Variants in ASB4 observed in about 807,000 individuals in gnomAD.
ASB4 encodes ankyrin repeat and SOCS box containing 4, also known as ankyrin repeat and SOCS box protein 4.
A neutral mutation model predicts 38.6 loss-of-function variants in ASB4; 35 were observed. The ratio of observed to expected loss-of-function variants is 0.91; its 90% confidence interval spans 0.69 to 1.20. ASB4 has a LOEUF of 1.20. Ranked by LOEUF, ASB4 falls within the 50% of genes most tolerant of loss-of-function variation. The probability of loss-of-function intolerance (pLI) is 0.00; values close to 1 mark genes in which losing one functional copy is unlikely to be tolerated. For synonymous variants in ASB4, 195 were observed against 201.3 expected, an observed-to-expected ratio of 0.97 and a Z score of 0.26; for missense variants, 557 against 527.2, an observed-to-expected ratio of 1.06 and a Z score of -0.55.
At chr7:95,527,591 G>T (rs1009465146) in intron 2 of ASB4, among the ~76,000 whole-genome samples, 1 of 152,078 alleles carries the variant, frequency 6.6e-6, no homozygotes, top group African/African-American at 2.4e-5. Flanking sequence ...TCCTCCCCTG[G>T]GTACCTTTGC....
At chr7:95,541,268 T>C (rs1318134896), downstream of ASB4, among the ~76,000 whole-genome samples, 1 of 152,178 alleles carries the variant, frequency 6.6e-6, no homozygotes, top group Non-Finnish European at 1.5e-5. Context: ...AGGACTTTTA[T>C]AGGATTGTTT....
upstream of ASB4, among the ~76,000 whole-genome samples, chr7:95,484,654 C>A (rs1363744404): frequency 1.3e-5 from 2 of 152,022 alleles, no homozygotes; most frequent in Non-Finnish European, 2.9e-5. Context: ...TTTAAAAATT[C>A]ATGTTTTTAA....
downstream of ASB4, chr7:95,544,691 A>C (rs1260092247): frequency 6.6e-6 from 1 of 151,868 alleles, no homozygotes; most frequent in East Asian, 1.9e-4. Flanking sequence ...ATTTATTTTT[A>C]TTTATTTTAT....
chr7:95,504,773 G>GAGCCTCAT (rs1215359501), intron 2 of ASB4, among the ~76,000 whole-genome samples: 1 of 152,158 alleles, frequency 6.6e-6, no homozygotes, highest in Non-Finnish European at 1.5e-5. Context: ...GAGACCCTCT[G>GAGCCTCAT]TTCTCAGATG....
intron 4 of ASB4, 83 bp downstream of exon 4, chr7:95,536,633 A>G: frequency 9.5e-7 from 1 of 1,049,464 alleles, no homozygotes; most frequent in Non-Finnish European, 1.4e-6. Context: ...TGTAACAAAA[A>G]AGTTGGTTTT....
intron 3 of ASB4, among the ~76,000 whole-genome samples, chr7:95,534,682 T>C (rs1790864452): frequency 6.6e-6 from 1 of 152,182 alleles, no homozygotes; most frequent in Non-Finnish European, 1.5e-5. Context: ...ATCTTTATGT[T>C]AGTCTTTTAT....
At chr7:95,529,628 C>G (rs993267358) in intron 3 of ASB4, among the ~76,000 whole-genome samples, 3 of 152,130 alleles carry the variant, frequency 2.0e-5, no homozygotes, top group Non-Finnish European at 2.9e-5. Flanking sequence ...GGAAGATTAA[C>G]TAATTCTTTT....
intron 3 of ASB4, among the ~76,000 whole-genome samples, chr7:95,529,952 C>T (rs947432417): frequency 6.6e-6 from 1 of 151,874 alleles, no homozygotes; most frequent in Non-Finnish European, 1.5e-5. Flanking sequence ...TTAACACCTC[C>T]GAAGTGTCAG....
intron 2 of ASB4, among the ~76,000 whole-genome samples, chr7:95,514,915 C>A (rs1413615698): frequency 1.3e-5 from 2 of 152,170 alleles, no homozygotes; most frequent in Non-Finnish European, 2.9e-5. Context: ...GCAAAGGGAG[C>A]TGGAGAAAAA....
intron 1 of ASB4, among the ~76,000 whole-genome samples, chr7:95,490,939 C>T (rs62467675): frequency 0.074 from 11,250 of 152,236 alleles, 539 homozygotes; most frequent in African/African-American, 0.13. Context: ...ATGTAGCCTT[C>T]GGATCATAGA....
intron 1 of ASB4, among the ~76,000 whole-genome samples, chr7:95,491,344 G>A (rs1562809710): frequency 6.6e-6 from 1 of 152,174 alleles, no homozygotes; most frequent in Non-Finnish European, 1.5e-5. Flanking sequence ...GGTAGCGTGT[G>A]AGTGGTTTAC....
chr7:95,491,334 G>T (rs548982339), intron 1 of ASB4, among the ~76,000 whole-genome samples: 30 of 152,222 alleles, frequency 2.0e-4, no homozygotes, highest in African/African-American at 7.0e-4. Flanking sequence ...CTAGACATGG[G>T]GTAGCGTGTG....
At chr7:95,514,809 A>C (rs1046218821) in intron 2 of ASB4, among the ~76,000 whole-genome samples, 33 of 152,212 alleles carry the variant, frequency 2.2e-4, no homozygotes, top group African/African-American at 8.0e-4. Context: ...ACAGACAAAA[A>C]TTGTGAAGTC....
At chr7:95,484,251 G>A (rs1055270251), upstream of ASB4, among the ~76,000 whole-genome samples, 45 of 152,260 alleles carry the variant, frequency 3.0e-4, no homozygotes, top group Non-Finnish European at 5.0e-4. Context: ...AGGATGGCTT[G>A]AGCCTGAGAG....
intron 2 of ASB4, 30 bp from the exon 3 acceptor site, chr7:95,527,779 TTAAA>T: frequency 6.4e-7 from 1 of 1,552,570 alleles, no homozygotes; most frequent in Non-Finnish European, 8.8e-7. Flanking sequence ...CAAAACATGT[TTAAA>T]TAATTGTCTT....
At chr7:95,517,067 C>T (rs74577702) in intron 2 of ASB4, among the ~76,000 whole-genome samples, 1 of 152,298 alleles carries the variant, frequency 6.6e-6, no homozygotes, top group African/African-American at 2.4e-5. Flanking sequence ...TGTTAATGAT[C>T]ATTTGCATGG....
chr7:95,489,165 C>T (rs1299902748), intron 1 of ASB4, among the ~76,000 whole-genome samples: 1 of 152,186 alleles, frequency 6.6e-6, no homozygotes, highest in Non-Finnish European at 1.5e-5. Flanking sequence ...AAATAAATCA[C>T]CTAAAATCTA....
chr7:95,497,555 AAGTC>A (rs1204142162), intron 2 of ASB4, among the ~76,000 whole-genome samples: 2 of 152,180 alleles, frequency 1.3e-5, no homozygotes, highest in Non-Finnish European at 1.5e-5. Flanking sequence ...ATTTTTTAAA[AAGTC>A]AGTTTATGGA....
chr7:95,508,652 A>G (rs1790441879), intron 2 of ASB4, among the ~76,000 whole-genome samples: 1 of 152,176 alleles, frequency 6.6e-6, no homozygotes, highest in African/African-American at 2.4e-5. Context: ...AGGCACTGAG[A>G]CAGCAGATAA....
Sources: gnomAD v4.1 joint callset for allele counts (sites outside exome capture counted in the v4.1 genomes callset) on GRCh38, gnomAD v4.1.1 for gene constraint, MANE v1.5 for transcripts, NCBI Gene and HGNC (gene_info 2026-07-23, HGNC 2026-07-21) for gene names.